The following PCDH15 variants were observed in gnomAD, a reference collection of about 807,000 sequenced individuals.
PCDH15 encodes the protein protocadherin-15.
PCDH15 carries 129 observed loss-of-function variants against 178.5 expected under a neutral mutation model. The observed-to-expected ratio is 0.72, with a 90% CI of 0.63 to 0.84. The LOEUF is 0.84. PCDH15 is among the 40% of genes least tolerant of loss of function. The pLI is 0.00. For missense variants in PCDH15, 2,230 were observed against 2,099.9 expected (o/e 1.06, Z -1.21); for synonymous variants, 800 against 732.0 (o/e 1.09, Z -1.50).
intron 5 of PCDH15, among the ~76,000 whole-genome samples, chr10:54,352,168 A>G (rs1458925913): frequency 1.3e-5 from 2 of 152,216 alleles, no homozygotes; most frequent in Non-Finnish European, 2.9e-5. Context: ...ATAAAATACT[A>G]AAAAATGATT....
At chr10:55,468,036 G>C (rs193089697) in intron 2 of PCDH15, among the ~76,000 whole-genome samples, 208 of 150,498 alleles carry the variant, frequency 1.4e-3, no homozygotes, top group African/African-American at 4.6e-3. Flanking sequence ...CCACCCGATG[G>C]TCGTTTCTTA....
intron 1 of PCDH15, among the ~76,000 whole-genome samples, chr10:54,692,957 A>G (rs953893782): frequency 6.6e-6 from 1 of 152,104 alleles, no homozygotes; most frequent in Non-Finnish European, 1.5e-5. Context: ...CAGAACGTGC[A>G]GGTTCGTTAC....
intron 5 of PCDH15, among the ~76,000 whole-genome samples, chr10:54,362,923 T>G (rs35797176): frequency 0.053 from 8,081 of 152,226 alleles, 246 homozygotes; most frequent in Admixed American, 0.098. Context: ...ATCTATGTAA[T>G]TTATTATAAT....
intron 23 of PCDH15, among the ~76,000 whole-genome samples, chr10:53,958,945 C>G (rs1394562501): frequency 1.6e-5 from 2 of 125,660 alleles, no homozygotes; most frequent in Admixed American, 1.0e-4. Flanking sequence ...CGTCACTGCA[C>G]TCCAGCCTGG....
intron 2 of PCDH15, among the ~76,000 whole-genome samples, chr10:55,572,276 T>G (rs1842419917): frequency 6.6e-6 from 1 of 151,082 alleles, no homozygotes; most frequent in African/African-American, 2.4e-5. Flanking sequence ...TAATATAAAA[T>G]GAAAGTAATT....
chr10:53,874,276 G>A (rs1403064365), intron 26 of PCDH15, among the ~76,000 whole-genome samples: 2 of 152,074 alleles, frequency 1.3e-5, no homozygotes, highest in African/African-American at 4.8e-5. Context: ...AATTCTCACC[G>A]TAAGAGTAAA....
At chr10:54,317,824 GA>G (rs34865951) in intron 7 of PCDH15, among the ~76,000 whole-genome samples, 28 of 148,054 alleles carry the variant, frequency 1.9e-4, no homozygotes, top group Non-Finnish European at 2.8e-4. Context: ...AGTTTTCATT[GA>G]AAAAAAAAAG....
intron 2 of PCDH15, among the ~76,000 whole-genome samples, chr10:54,584,309 A>G (rs943418977): frequency 3.3e-5 from 5 of 152,098 alleles, no homozygotes; most frequent in African/African-American, 1.2e-4. Flanking sequence ...CAGAAGGATC[A>G]CTTGGATGCA....
intron 8 of PCDH15, among the ~76,000 whole-genome samples, chr10:54,276,177 T>A (rs966118770): frequency 6.6e-6 from 1 of 151,588 alleles, no homozygotes; most frequent in South Asian, 2.1e-4. Context: ...TTAAAACTCA[T>A]GCAAAATAGC....
At chr10:55,288,519 C>G (rs1315576633) in intron 1 of PCDH15, among the ~76,000 whole-genome samples, 5 of 151,908 alleles carry the variant, frequency 3.3e-5, no homozygotes, top group Admixed American at 1.3e-4. Context: ...TATCTTTTAA[C>G]TAATATCTTC....
At chr10:54,128,506 T>C (rs1036173311) in intron 15 of PCDH15, among the ~76,000 whole-genome samples, 1 of 152,182 alleles carries the variant, frequency 6.6e-6, no homozygotes, top group South Asian at 2.1e-4. Context: ...GATTAGAGTA[T>C]TGAATGGTGA....
chr10:55,483,233 T>G (rs991178057), intron 2 of PCDH15, among the ~76,000 whole-genome samples: 3 of 151,646 alleles, frequency 2.0e-5, no homozygotes, highest in Non-Finnish European at 4.4e-5. Flanking sequence ...AAATTATGCA[T>G]CAAAGGTCTA....
intron 1 of PCDH15, among the ~76,000 whole-genome samples, chr10:54,725,409 C>T (rs1353529029): frequency 6.7e-6 from 1 of 148,664 alleles, no homozygotes; most frequent in African/African-American, 2.5e-5. Flanking sequence ...AGGCATGATT[C>T]CTCATGCCAG....
intron 1 of PCDH15, among the ~76,000 whole-genome samples, chr10:54,769,906 T>G (rs1452710476): frequency 6.6e-6 from 1 of 152,128 alleles, no homozygotes; most frequent in Non-Finnish European, 1.5e-5. Context: ...AATTTTTGGT[T>G]CCCTCCTTAA....
intron 3 of PCDH15, among the ~76,000 whole-genome samples, chr10:54,421,887 C>T (rs1337044847): frequency 1.1e-5 from 1 of 88,030 alleles, no homozygotes; most frequent in Non-Finnish European, 2.2e-5. Flanking sequence ...TATATATACA[C>T]ACACACACTA....
intron 2 of PCDH15, among the ~76,000 whole-genome samples, chr10:54,545,548 A>G (rs1034279936): frequency 1.3e-5 from 2 of 152,120 alleles, no homozygotes; most frequent in Admixed American, 1.3e-4. Context: ...AAAGAAAGAA[A>G]GGAGAGAAAG....
chr10:54,505,006 G>T (rs921863074), intron 3 of PCDH15, among the ~76,000 whole-genome samples: 1 of 152,002 alleles, frequency 6.6e-6, no homozygotes, highest in South Asian at 2.1e-4. Flanking sequence ...CCAGCTGGTC[G>T]GTTCTGAGAT....
chr10:55,064,945 A>T (rs902031720), intron 2 of PCDH15, among the ~76,000 whole-genome samples: 4 of 152,098 alleles, frequency 2.6e-5, no homozygotes, highest in Admixed American at 1.3e-4. Context: ...AGAATATTTT[A>T]AAAAATCTCA....
intron 2 of PCDH15, among the ~76,000 whole-genome samples, chr10:55,094,957 T>A (rs1185186986): frequency 6.7e-6 from 1 of 148,446 alleles, no homozygotes; most frequent in Non-Finnish European, 1.5e-5. Context: ...TATCTCACTG[T>A]GTCACCCAGG....
Sources: gnomAD v4.1 joint callset for allele counts (sites outside exome capture counted in the v4.1 genomes callset) on GRCh38, gnomAD v4.1.1 for gene constraint, MANE v1.5 for transcripts, NCBI Gene and HGNC (gene_info 2026-07-23, HGNC 2026-07-21) for gene names.